XKR4: variants seen among roughly 807,000 people sequenced by gnomAD.
XKR4 encodes XK-related protein 4.
Under a neutral mutation model 53.9 loss-of-function variants are expected in XKR4, and 12 were observed. That is an observed-to-expected ratio of 0.22 (90% CI 0.14 to 0.36). The LOEUF (loss-of-function observed/expected upper bound fraction) is 0.36. Ranked by LOEUF, XKR4 falls within the 10% of genes least tolerant of loss-of-function variation. The pLI is 1.00. For missense variants in XKR4, 799 were observed against 859.5 expected (o/e 0.93, Z 0.88); for synonymous variants, 354 against 362.4 (o/e 0.98, Z 0.26).
chr8:55,416,665 G>T (rs1336303986), intron 2 of XKR4, among the ~76,000 whole-genome samples: 3 of 152,226 alleles, frequency 2.0e-5, no homozygotes, highest in African/African-American at 7.2e-5. Context: ...GAGGACGATG[G>T]CAGGGGACAG....
intron 1 of XKR4, among the ~76,000 whole-genome samples, chr8:55,180,618 C>T (rs897658295): frequency 2.0e-5 from 3 of 152,248 alleles, no homozygotes; most frequent in African/African-American, 4.8e-5. Context: ...CTGCAACCTC[C>T]GCCTCCTGGT....
At chr8:55,348,849 TAGAG>T (rs1051407400) in intron 1 of XKR4, among the ~76,000 whole-genome samples, 10 of 151,708 alleles carry the variant, frequency 6.6e-5, no homozygotes, top group African/African-American at 2.2e-4. Flanking sequence ...GATATACAGA[TAGAG>T]AGATAGAGAT....
chr8:55,111,014 C>T (rs1816224142), intron 1 of XKR4, among the ~76,000 whole-genome samples: 1 of 152,002 alleles, frequency 6.6e-6, no homozygotes, highest in African/African-American at 2.4e-5. Flanking sequence ...TCTTTTTTAA[C>T]CCTAAAATAG....
chr8:55,523,975 T>G lies in XKR4; in HGVS notation c.1701T>G (p.Asp567Glu). The G allele has an allele frequency of 6.2e-7, 1 of 1,614,174 alleles. No homozygotes were observed. ...GCGATCAGAAATTCGCAGAGCGGGA[T>G]GGGTGTGTACCTGTCTTTCAAGTGA... is the stretch of plus-strand genomic sequence containing the variant. ...SDRDQKFAER[D>E]GCVPVFQVRP... Residue 567 changes from aspartate to glutamate, a missense_variant, in exon 3 of 3, where the codon GAT becomes GAG. Asp to Glu is a conservative substitution (Grantham distance 45). Around this residue, in one of 3 missense-constraint regions of XKR4, gnomAD observed 269 missense variants for 264.4 expected, o/e 1.02. Transcript: ENST00000327381.
chr8:55,402,903 G>A (rs1804624040), intron 2 of XKR4, among the ~76,000 whole-genome samples: 1 of 152,126 alleles, frequency 6.6e-6, no homozygotes, highest in Admixed American at 6.6e-5. Flanking sequence ...CCTAAGTCAG[G>A]GTGTGCAGCC....
At chr8:55,367,816 A>C (rs1286806638) in intron 2 of XKR4, among the ~76,000 whole-genome samples, 1 of 151,758 alleles carries the variant, frequency 6.6e-6, no homozygotes, top group Non-Finnish European at 1.5e-5. Flanking sequence ...AAATCCGACC[A>C]CCCTTTGCTG....
intron 1 of XKR4, among the ~76,000 whole-genome samples, chr8:55,116,016 C>G (rs1029561562): frequency 2.6e-5 from 4 of 152,024 alleles, no homozygotes; most frequent in Non-Finnish European, 5.9e-5. Flanking sequence ...AACCAGACAC[C>G]AAGAATAGAG....
chr8:55,411,417 G>T (rs1563343585), intron 2 of XKR4, among the ~76,000 whole-genome samples: 1 of 152,184 alleles, frequency 6.6e-6, no homozygotes, highest in Non-Finnish European at 1.5e-5. Flanking sequence ...AATTATCATT[G>T]TTATTATTCC....
intron 1 of XKR4, among the ~76,000 whole-genome samples, chr8:55,320,777 T>G (rs1803197406): frequency 6.6e-6 from 1 of 152,140 alleles, no homozygotes; most frequent in South Asian, 2.1e-4. Context: ...AAAGTCAGAC[T>G]CGGTTCCTTC....
chr8:55,243,380 C>A (rs1818238311), intron 1 of XKR4, among the ~76,000 whole-genome samples: 1 of 152,232 alleles, frequency 6.6e-6, no homozygotes, highest in Admixed American at 6.5e-5. Context: ...TCTTTATAGT[C>A]TCCACAGTTT....
At chr8:55,160,249 A>C (rs191513280) in intron 1 of XKR4, among the ~76,000 whole-genome samples, 1 of 152,292 alleles carries the variant, frequency 6.6e-6, no homozygotes, top group East Asian at 1.9e-4. Flanking sequence ...GAGTTTATTT[A>C]AGATGTGGTG....
chr8:55,430,497 T>C (rs1045314011), intron 2 of XKR4, among the ~76,000 whole-genome samples: 1 of 152,200 alleles, frequency 6.6e-6, no homozygotes, highest in African/African-American at 2.4e-5. Flanking sequence ...AGACGATTGG[T>C]TGCCAGAGGG....
intron 1 of XKR4, among the ~76,000 whole-genome samples, chr8:55,332,917 T>C (rs1279436841): frequency 2.0e-5 from 3 of 151,982 alleles, no homozygotes; most frequent in Non-Finnish European, 4.4e-5. Flanking sequence ...TTTACTTTTT[T>C]TCTTCTTTTT....
intron 1 of XKR4, among the ~76,000 whole-genome samples, chr8:55,319,467 C>T (rs573922932): frequency 6.6e-6 from 1 of 152,150 alleles, no homozygotes; most frequent in South Asian, 2.1e-4. Context: ...GCAGTGAAGT[C>T]ATTTGCGATG....
At chr8:55,463,693 T>A in intron 2 of XKR4, among the ~76,000 whole-genome samples, 1 of 152,048 alleles carries the variant, frequency 6.6e-6, no homozygotes, top group Non-Finnish European at 1.5e-5. Flanking sequence ...AGGAGCTGGT[T>A]TTTTGAAAAG....
intron 1 of XKR4, among the ~76,000 whole-genome samples, chr8:55,231,145 T>C (rs949601412): frequency 3.3e-5 from 5 of 152,224 alleles, no homozygotes; most frequent in Admixed American, 3.3e-4. Flanking sequence ...TTAAAGGTGG[T>C]ATCTATATGT....
At chr8:55,439,504 T>A (rs554495767) in intron 2 of XKR4, among the ~76,000 whole-genome samples, 10 of 152,256 alleles carry the variant, frequency 6.6e-5, no homozygotes, top group Admixed American at 2.6e-4. Flanking sequence ...AATGAAAGCA[T>A]GGTGCAAGAA....
At chr8:55,333,692 G>A (rs2129381045) in intron 1 of XKR4, among the ~76,000 whole-genome samples, 1 of 152,134 alleles carries the variant, frequency 6.6e-6, no homozygotes, top group Non-Finnish European at 1.5e-5. Context: ...GCCACTTTTG[G>A]AAGTCTGAGT....
intron 2 of XKR4, among the ~76,000 whole-genome samples, chr8:55,414,232 A>G (rs1037632340): frequency 3.9e-5 from 6 of 152,198 alleles, no homozygotes; most frequent in Non-Finnish European, 7.3e-5. Flanking sequence ...TCTAACATCA[A>G]GTTGCCTAAC....
Sources: gnomAD v4.1 joint callset for allele counts (sites outside exome capture counted in the v4.1 genomes callset) on GRCh38, gnomAD v4.1.1 for gene constraint, gnomAD v4.1.1 regional missense constraint, MANE v1.5 for transcripts, NCBI Gene and HGNC (gene_info 2026-07-23, HGNC 2026-07-21) for gene names.